Variants in MAGI2 observed in about 807,000 individuals in gnomAD.
The protein encoded by MAGI2 is membrane-associated guanylate kinase, WW and PDZ domain-containing protein 2.
Under a neutral mutation model 133.3 loss-of-function variants are expected in MAGI2, and 35 were observed. The ratio of observed to expected loss-of-function variants is 0.26; its 90% CI spans 0.20 to 0.35. MAGI2 has a LOEUF of 0.35. Ranked by LOEUF, MAGI2 falls within the 10% of genes least tolerant of loss-of-function variation. MAGI2 has a pLI of 1.00. For synonymous variants in MAGI2, 729 were observed against 710.6 expected, an observed-to-expected ratio of 1.03 and a Z score of -0.41; for missense variants, 1,636 against 1,863.4, an observed-to-expected ratio of 0.88 and a Z score of 2.25.
intron 9 of MAGI2, among the ~76,000 whole-genome samples, chr7:78,328,518 C>CACACACACACACAT (rs1788820561): frequency 9.3e-6 from 1 of 107,394 alleles, no homozygotes; most frequent in Non-Finnish European, 2.1e-5. Flanking sequence ...CACACACACA[C>CACACACACACACAT]ACACACACAC....
At chr7:78,141,623 GA>G in intron 16 of MAGI2, among the ~76,000 whole-genome samples, 1 of 152,304 alleles carries the variant, frequency 6.6e-6, no homozygotes, top group African/African-American at 2.4e-5. Flanking sequence ...CGTCTTCCCT[GA>G]AATTCATAGC....
chr7:78,132,795 C>T, intron 18 of MAGI2, 94 bp downstream of exon 18: 2 of 1,526,870 alleles, frequency 1.3e-6, no homozygotes, highest in Non-Finnish European at 1.8e-6. Context: ...TTATAAAAGT[C>T]TCTCTCTCTG....
intron 6 of MAGI2, among the ~76,000 whole-genome samples, chr7:78,371,848 TG>T (rs1793950406): frequency 6.6e-6 from 1 of 152,076 alleles, no homozygotes; most frequent in Non-Finnish European, 1.5e-5. Context: ...CATACACATT[TG>T]TGTTTTAAGA....
chr7:78,461,418 G>GTA (rs1563033030), intron 6 of MAGI2, among the ~76,000 whole-genome samples: 1 of 148,778 alleles, frequency 6.7e-6, no homozygotes. Flanking sequence ...GTGTGTGTGT[G>GTA]TGTGTGTTGG....
intron 1 of MAGI2, among the ~76,000 whole-genome samples, chr7:79,074,161 T>C (rs6946810): frequency 2.0e-5 from 3 of 152,164 alleles, no homozygotes; most frequent in Non-Finnish European, 4.4e-5. Context: ...CACCTTATCA[T>C]ACACTGAACG....
intron 6 of MAGI2, among the ~76,000 whole-genome samples, chr7:78,453,976 G>T (rs994135687): frequency 6.6e-6 from 1 of 152,030 alleles, no homozygotes; most frequent in Non-Finnish European, 1.5e-5. Context: ...CAAGTATAAT[G>T]ATAAAATCGG....
At chr7:79,256,607 C>T (rs1462579460) in intron 1 of MAGI2, among the ~76,000 whole-genome samples, 1 of 150,270 alleles carries the variant, frequency 6.7e-6, no homozygotes, top group African/African-American at 2.5e-5. Context: ...CCTTTCACCT[C>T]GATCTCCCCA....
intron 21 of MAGI2, among the ~76,000 whole-genome samples, chr7:78,068,942 A>G (rs1585001675): frequency 6.6e-6 from 1 of 152,192 alleles, no homozygotes; most frequent in South Asian, 2.1e-4. Flanking sequence ...CAGCTTTGGC[A>G]TGTAGCACCA....
intron 2 of MAGI2, among the ~76,000 whole-genome samples, chr7:78,634,601 T>G (rs548666484): frequency 1.3e-5 from 2 of 152,272 alleles, no homozygotes; most frequent in Admixed American, 1.3e-4. Flanking sequence ...TAAAGGTAAT[T>G]AATATCTAGA....
At chr7:78,736,878 C>A (rs1260445943) in intron 2 of MAGI2, among the ~76,000 whole-genome samples, 1 of 152,070 alleles carries the variant, frequency 6.6e-6, no homozygotes, top group Non-Finnish European at 1.5e-5. Context: ...TTTTAATATT[C>A]CATGTGACAA....
intron 6 of MAGI2, among the ~76,000 whole-genome samples, chr7:78,464,733 AT>A (rs5885066): frequency 0.13 from 18,728 of 146,730 alleles, 2,159 homozygotes; most frequent in African/African-American, 0.32. Flanking sequence ...TAAGAACCTG[AT>A]TTTTTTTTTT....
intron 1 of MAGI2, among the ~76,000 whole-genome samples, chr7:79,339,932 C>T (rs79878067): frequency 0.022 from 3,326 of 152,024 alleles, 137 homozygotes; most frequent in African/African-American, 0.075. Context: ...TTAAAAGATG[C>T]GTTTCGTATC....
intron 1 of MAGI2, chr7:79,413,170 T>A (rs1371867847): frequency 6.6e-6 from 1 of 152,114 alleles, no homozygotes; most frequent in East Asian, 1.9e-4. Context: ...TAAGGACAGT[T>A]GAGTTTACAT....
At chr7:78,482,862 TATC>T (rs1369731309) in intron 6 of MAGI2, among the ~76,000 whole-genome samples, 2 of 143,678 alleles carry the variant, frequency 1.4e-5, no homozygotes, top group Non-Finnish European at 3.0e-5. Flanking sequence ...ACACATGTGA[TATC>T]ATCACATGGA....
intron 1 of MAGI2, among the ~76,000 whole-genome samples, chr7:79,119,239 C>A (rs1253404887): frequency 6.6e-6 from 1 of 152,074 alleles, no homozygotes; most frequent in Non-Finnish European, 1.5e-5. Flanking sequence ...TAGTTCATAA[C>A]CTGAATTTAT....
intron 1 of MAGI2, among the ~76,000 whole-genome samples, chr7:79,153,994 C>A (rs1186354382): frequency 6.6e-6 from 1 of 152,094 alleles, no homozygotes; most frequent in African/African-American, 2.4e-5. Context: ...CTATCAATTA[C>A]TTTTAAATAT....
chr7:79,354,924 A>G (rs1304096206), intron 1 of MAGI2, among the ~76,000 whole-genome samples: 2 of 152,108 alleles, frequency 1.3e-5, no homozygotes, highest in East Asian at 1.9e-4. Flanking sequence ...CCTGGACCCA[A>G]TAGGTGTAAG....
chr7:78,422,697 A>G (rs1177985767), intron 6 of MAGI2, among the ~76,000 whole-genome samples: 1 of 152,180 alleles, frequency 6.6e-6, no homozygotes, highest in Non-Finnish European at 1.5e-5. Flanking sequence ...TAGAGGGAGT[A>G]GAAATAAGAT....
At chr7:78,346,422 C>A (rs1790911337) in intron 7 of MAGI2, among the ~76,000 whole-genome samples, 3 of 152,134 alleles carry the variant, frequency 2.0e-5, no homozygotes, top group African/African-American at 7.2e-5. Flanking sequence ...ATCACCTGAG[C>A]TTTGCAAAGT....
Sources: allele counts gnomAD v4.1 joint callset (sites outside exome capture counted in the v4.1 genomes callset), GRCh38; gene constraint gnomAD v4.1.1; transcripts MANE v1.5; gene names NCBI Gene and HGNC (gene_info 2026-07-23, HGNC 2026-07-21).